The following CTDP1 variants were observed in gnomAD, a reference collection of about 807,000 sequenced individuals.
The protein encoded by CTDP1 is CTD phosphatase 1.
Under a neutral mutation model 91.8 loss-of-function variants are expected in CTDP1, and 47 were observed. The observed-to-expected ratio is 0.51, with a 90% CI of 0.41 to 0.65. CTDP1 has a LOEUF of 0.65. CTDP1 is among the 30% of genes least tolerant of loss of function. The pLI is 0.00. For synonymous variants in CTDP1, 656 were observed against 598.5 expected, an observed-to-expected ratio of 1.10 and a Z score of -1.40; for missense variants, 1,272 against 1,373.7, an observed-to-expected ratio of 0.93 and a Z score of 1.17.
chr18:79,731,930 C>T (rs963150868), intron 11 of CTDP1, among the ~76,000 whole-genome samples: 7 of 151,740 alleles, frequency 4.6e-5, no homozygotes, highest in Admixed American at 2.6e-4. Flanking sequence ...TAAGAACTCA[C>T]ATTAGGAGTG....
chr18:79,687,010 TC>T (rs1361164897), intron 1 of CTDP1, among the ~76,000 whole-genome samples: 28 of 127,424 alleles, frequency 2.2e-4, no homozygotes, highest in East Asian at 4.9e-4. Context: ...GCAGTTGGCT[TC>T]TCCAGTTCAC....
chr18:79,722,492 A>C (rs904398787), intron 10 of CTDP1, among the ~76,000 whole-genome samples: 1 of 152,188 alleles, frequency 6.6e-6, no homozygotes, highest in African/African-American at 2.4e-5. Context: ...ATACCAGCTC[A>C]TTTATACGAA....
At chr18:79,697,618 TC>T (rs1267174486) in intron 3 of CTDP1, among the ~76,000 whole-genome samples, 3 of 152,106 alleles carry the variant, frequency 2.0e-5, no homozygotes. Flanking sequence ...CAGTTTCCCT[TC>T]CCCCTCCGTT....
chr18:79,705,577 G>A (rs182022444), intron 5 of CTDP1, among the ~76,000 whole-genome samples: 143 of 151,860 alleles, frequency 9.4e-4, no homozygotes, highest in African/African-American at 3.3e-3. Context: ...GACGAAGCAA[G>A]GGGACAGTGC....
Position 79,717,646 on chromosome 18 carries a change from C to T in CTDP1, c.2180C>T (p.Pro727Leu), listed in dbSNP as rs925403276. 15 of 1,613,886 alleles carry T rather than the reference C, an allele frequency of 9.3e-6. No individual in the cohort carries two copies. Among genetic ancestry groups the T allele is most frequent in the Non-Finnish European group, 1.3e-5 (15 of 1,179,980 alleles). Reference protein sequence around the residue: ...RWDKVEEQLFPLRDDHTKAQR... With the variant: ...RWDKVEEQLFLLRDDHTKAQR... The stretch of plus-strand genomic sequence containing the variant: ...GACAAGGTGGAGGAGCAGCTCTTCC[C>T]GCTCAGGGACGATCACACCAAGGCA... The change falls in exon 9 of 13, where the codon CCG becomes CTG. Residue 727 changes from proline (P) to leucine (L), a missense_variant. Pro to Leu is a moderately conservative substitution (Grantham distance 98, BLOSUM62 -3). Transcript: ENST00000613122.
intron 1 of CTDP1, among the ~76,000 whole-genome samples, chr18:79,680,539 A>G (rs1468336058): frequency 6.6e-6 from 1 of 152,252 alleles, no homozygotes; most frequent in African/African-American, 2.4e-5. Flanking sequence ...CTGCAGTGAT[A>G]GTCCCCGCCC....
intron 12 of CTDP1, among the ~76,000 whole-genome samples, chr18:79,738,740 C>G (rs775954434): frequency 6.6e-6 from 1 of 152,264 alleles, no homozygotes; most frequent in Non-Finnish European, 1.5e-5. Flanking sequence ...GAATTACTTA[C>G]AGAAAATCAC....
chr18:79,685,559 A>T (rs1210959152), intron 1 of CTDP1: 1 of 152,226 alleles, frequency 6.6e-6, no homozygotes, highest in Non-Finnish European at 1.5e-5. Flanking sequence ...AGAGAAGCAG[A>T]AAAACATTGC....
intron 4 of CTDP1, among the ~76,000 whole-genome samples, chr18:79,703,910 T>G (rs1056591513): frequency 3.3e-5 from 5 of 152,040 alleles, no homozygotes; most frequent in Admixed American, 2.6e-4. Flanking sequence ...CTGTTACTCT[T>G]GGCTGGTTAT....
chr18:79,679,987 GC>G lies in CTDP1; in HGVS notation c.44del (p.Pro15ArgfsTer54). ...CGCGGGTCGCGTTCCTGCCGAGGGC[GC>G]CCCGACGGCGGCTGTGGCCGAGGTG... ...PAAGRVPAEGAPTAAVAEVRC... is the reference protein window; with the variant it reads ...PAAGRVPAEGXPTAAVAEVRC... On this transcript the variant is annotated frameshift_variant, in exon 1 of 13. Transcript: ENST00000613122. LOFTEE classifies it high-confidence loss of function. The G allele has an allele frequency of 7.4e-7, 1 of 1,343,974 alleles. No individual in the cohort carries two copies. The allele number at this position is 1,343,974 out of a possible 1,614,324, so 83.3% of individuals were successfully genotyped here. A position where few individuals can be genotyped will look rare whatever the true frequency, so the allele number is the denominator to read the frequency against.
chr18:79,701,635 T>C (rs377140672), intron 4 of CTDP1, among the ~76,000 whole-genome samples: 1 of 151,980 alleles, frequency 6.6e-6, no homozygotes, highest in Non-Finnish European at 1.5e-5. Flanking sequence ...TCTGGGAAAA[T>C]CAAACAGAAA....
intron 6 of CTDP1, among the ~76,000 whole-genome samples, chr18:79,710,686 A>ATTTTTTTT (rs11306504): frequency 1.4e-4 from 12 of 88,500 alleles, no homozygotes; most frequent in Admixed American, 3.2e-4. Context: ...TCGCCCGGCA[A>ATTTTTTTT]TTTTTTTTTT....
rs113902169 is a variant in CTDP1 at position 79,697,169 on chromosome 18, C to T, written c.493-691C>T. On this transcript the variant is annotated intron_variant, in intron 3 of 12. Coordinates refer to ENST00000613122, the MANE Select transcript of CTDP1 (RefSeq NM_004715.5). ...GTACCCCCCATCTTTCTGGCACCTG[C>T]CAGCCCTTCCGTGCGTTTCCCTTCG... 5.4e-3 allele frequency among the ~76,000 whole-genome samples: 826 copies of T among 152,352 alleles called. 9 individuals carry two copies. Among genetic ancestry groups the T allele is most frequent in the African/African-American group, 0.018 (760 of 41,584 alleles).
chr18:79,735,966 G>A (rs1004381436), intron 11 of CTDP1: 23 of 228,934 alleles, frequency 1.0e-4, no homozygotes, highest in Non-Finnish European at 5.3e-5. Flanking sequence ...GGACTGGGAC[G>A]CCTCCCTGAA....
chr18:79,731,958 G>C (rs962987282), intron 11 of CTDP1, among the ~76,000 whole-genome samples: 4 of 151,446 alleles, frequency 2.6e-5, no homozygotes, highest in Non-Finnish European at 5.9e-5. Context: ...AATCAGGTGA[G>C]ACATGAGAAC....
At chr18:79,702,381 T>TTTATTTG (rs1202866161) in intron 4 of CTDP1, among the ~76,000 whole-genome samples, 8 of 152,218 alleles carry the variant, frequency 5.3e-5, no homozygotes, top group Admixed American at 5.2e-4. Context: ...TTTTTTATTT[T>TTTATTTG]TTAATTTTTT....
At chr18:79,737,076 G>T (rs1264398832) in intron 12 of CTDP1, among the ~76,000 whole-genome samples, 1 of 152,246 alleles carries the variant, frequency 6.6e-6, no homozygotes, top group African/African-American at 2.4e-5. Context: ...TCCAGCGTGC[G>T]GTCTGTGGGT....
chr18:79,729,715 G>A (rs1316795086), intron 11 of CTDP1, among the ~76,000 whole-genome samples: 8 of 152,226 alleles, frequency 5.3e-5, no homozygotes. Context: ...TTCCACAACA[G>A]TCCGGATGTT....
chr18:79,735,981 C>G (rs1198271580), intron 11 of CTDP1: 1 of 238,266 alleles, frequency 4.2e-6, no homozygotes, highest in Non-Finnish European at 8.5e-6. Flanking sequence ...CCTGAAAGCC[C>G]TGCCACTCAG....
Sources: allele counts gnomAD v4.1 joint callset (sites outside exome capture counted in the v4.1 genomes callset), GRCh38; gene constraint gnomAD v4.1.1; transcripts MANE v1.5; gene names NCBI Gene and HGNC (gene_info 2026-07-23, HGNC 2026-07-21).